AHNAK2: variants seen among roughly 807,000 people sequenced by gnomAD.
AHNAK2 encodes the protein protein AHNAK2.
Under a neutral mutation model 30.7 loss-of-function variants are expected in AHNAK2, and 18 were observed. That is an observed-to-expected ratio of 0.59 (90% confidence interval 0.41 to 0.87). The LOEUF is 0.87. AHNAK2 is among the 40% of genes least tolerant of loss of function. AHNAK2 has a pLI of 0.00. For missense variants in AHNAK2, 8,604 were observed against 7,373.0 expected (o/e 1.17, Z -6.11); for synonymous variants, 3,590 against 3,073.8 (o/e 1.17, Z -5.56).
rs376661887 is a variant in AHNAK2 at position 104,947,652 on chromosome 14, G to A, written c.7799C>T (p.Ala2600Val). Reference protein sequence around the residue: ...GPKLDLKGPKAEVTAPDVEMS... With the variant: ...GPKLDLKGPKVEVTAPDVEMS... ...CTCCACATCGGGGGCTGTCACTTCC[G>A]CCTTGGGGCCTTTCAGGTCCAGCTT... Residue 2600 changes from alanine to valine, a missense_variant, in exon 7 of 7, where the codon GCG becomes GTG. Physicochemically the swap from Ala to Val is moderately conservative, Grantham distance 64 (BLOSUM62 0). Transcript: ENST00000333244. 1.2e-4 allele frequency: 201 copies of A among 1,612,878 alleles called. No individual in the cohort carries two copies. Among genetic ancestry groups the A allele is most frequent in the Non-Finnish European group, 1.5e-4 (179 of 1,179,646 alleles).
intron 1 of AHNAK2, among the ~76,000 whole-genome samples, chr14:104,976,059 C>CAGCACG (rs1899582348): frequency 6.6e-6 from 1 of 150,788 alleles, no homozygotes; most frequent in African/African-American, 2.4e-5. Flanking sequence ...CTTGGGGGGT[C>CAGCACG]GTGGGAGGTG....
In AHNAK2 at chr14:104,945,544, C is replaced by T. The variant is rs1898219279; in HGVS notation, c.9907G>A (p.Ala3303Thr). 6.2e-7 allele frequency: 1 copy of T among 1,612,306 alleles called. No individual in the cohort carries two copies. Among genetic ancestry groups the T allele is most frequent in the Non-Finnish European group, 8.5e-7 (1 of 1,179,284 alleles). Residue 3303 changes from alanine (A) to threonine (T), a missense_variant, in exon 7 of 7, where the codon GCC becomes ACC. Coordinates refer to ENST00000333244, the MANE Select transcript of AHNAK2 (RefSeq NM_138420.4). The stretch of plus-strand genomic sequence containing the variant: ...GGCATTTTGAACTTGCTGTCTTTGG[C>T]AGTCACATCCTTGTCGGCCAGGGAC... Reference protein sequence around the residue: ...DLSLADKDVTAKDSKFKMPKF... With the variant: ...DLSLADKDVTTKDSKFKMPKF...
At position 104,939,647 on chromosome 14, in the gene AHNAK2, A is replaced by T. The variant is rs773577851; in HGVS notation, c.15804T>A (p.Ile5268=). ...CTGTGCTGTCAAGATCACACCTTAG[A>T]ATATCTGTGGATGATTTGCTCTCAG... ...TASESKSSTD[I]LRCDLDSTGL... is the part of the protein sequence containing the mutation. Residue 5268 remains isoleucine, a synonymous_variant, in exon 7 of 7, where the codon ATT becomes ATA. Coordinates refer to ENST00000333244, the MANE Select transcript of AHNAK2 (RefSeq NM_138420.4). 11 of 1,613,898 alleles carry T rather than the reference A, an allele frequency of 6.8e-6. No homozygotes were observed. Among genetic ancestry groups the T allele is most frequent in the Non-Finnish European group, 9.3e-6 (11 of 1,179,906 alleles).
chr14:104,946,569 T>G lies in AHNAK2; in HGVS notation c.8882A>C (p.Glu2961Ala), dbSNP rs1412185344. The change falls in exon 7 of 7, where the codon GAG (glutamate) becomes GCG (alanine). Residue 2961 changes from glutamate to alanine, a missense_variant. By Grantham distance (107) the Glu-to-Ala change is moderately radical. Transcript: ENST00000333244. ...PRAKLDGARLEGDLSLADKDV... is the reference protein window; with the variant it reads ...PRAKLDGARLAGDLSLADKDV... ...CTTGTCGGCCAGGGACAGGTCACCCTCCAGCCGTGCACCATCCAGCTTTGC... is the reference window on the plus strand; with the variant it reads ...CTTGTCGGCCAGGGACAGGTCACCCGCCAGCCGTGCACCATCCAGCTTTGC... 22 of 1,612,694 alleles carry G rather than the reference T, an allele frequency of 1.4e-5. No homozygotes were observed. Among genetic ancestry groups the G allele is most frequent in the Non-Finnish European group, 1.8e-5 (21 of 1,179,688 alleles).
rs377372973 is a variant in AHNAK2 at position 104,950,357 on chromosome 14, C to T, written c.5094G>A (p.Gln1698=). Residue 1698 remains glutamine (Q), a synonymous_variant, in exon 7 of 7, where the codon CAG becomes CAA. Coordinates refer to ENST00000333244, the MANE Select transcript of AHNAK2 (RefSeq NM_138420.4). ...VEADVSLPSM[Q]GDLKTTDLSI... is the part of the protein sequence containing the mutation. ...TGAGGTCAGTGGTCTTCAGGTCCCCCTGCATGGAGGGGAGGCTCACATCAG... is the reference window on the plus strand; with the variant it reads ...TGAGGTCAGTGGTCTTCAGGTCCCCTTGCATGGAGGGGAGGCTCACATCAG... The T allele has an allele frequency of 3.2e-4, 503 of 1,586,270 alleles. 51 individuals are homozygous for T. In the African/African-American group the frequency reaches 3.7e-3, roughly 12 times the overall value.
chr14:104,950,873 G>T lies in AHNAK2; in HGVS notation c.4578C>A (p.Asp1526Glu), dbSNP rs148032399. The change falls in exon 7 of 7, where the codon GAC becomes GAA. Residue 1526 changes from aspartate (D) to glutamate (E), a missense_variant. Coordinates refer to ENST00000333244, the MANE Select transcript of AHNAK2 (RefSeq NM_138420.4). ...VDVSAPKVEA[D>E]VSLPSMQGDL... The stretch of plus-strand genomic sequence containing the variant: ...CCCCCTGCATGGAGGGGAGGCTCAC[G>T]TCGGCCTCCACCTTCGGCGCAGACA... 1.6e-4 allele frequency: 251 copies of T among 1,579,776 alleles called. 32 individuals carry two copies. The highest frequency in any genetic ancestry group is 5.6e-4 in the Admixed American group (32 of 56,718).
chr14:104,977,574 C>T (rs1279758689), intron 1 of AHNAK2, among the ~76,000 whole-genome samples: 1 of 152,184 alleles, frequency 6.6e-6, no homozygotes, highest in Admixed American at 6.5e-5. Context: ...CCTGCCACAG[C>T]CTCCACCTAG....
chr14:104,965,942 C>T (rs147927870), intron 1 of AHNAK2, among the ~76,000 whole-genome samples: 1 of 152,180 alleles, frequency 6.6e-6, no homozygotes, highest in Admixed American at 6.5e-5. Flanking sequence ...ACACTGCTCC[C>T]GCAGAGGCAC....
Position 104,952,872 on chromosome 14 carries a change from G to A in AHNAK2, c.2579C>T (p.Ala860Val), listed in dbSNP as rs376993445. The change falls in exon 7 of 7, where the codon GCG becomes GTG. Residue 860 changes from alanine to valine, a missense_variant. Transcript: ENST00000333244. The stretch of plus-strand genomic sequence containing the variant: ...GCTCACGTCGGCCTCCACCTTCGGC[G>A]CAGACACATCCACCGAGTCCTCCAT... ...KSMEDSVDVS[A>V]PKVEADVSLS... 45 of 1,612,220 alleles carry A rather than the reference G, an allele frequency of 2.8e-5. No homozygotes were observed. Among genetic ancestry groups the A allele is most frequent in the Admixed American group, 8.3e-5 (5 of 59,892 alleles).
chr14:104,976,266 G>T (rs1206382128), intron 1 of AHNAK2, among the ~76,000 whole-genome samples: 1 of 152,184 alleles, frequency 6.6e-6, no homozygotes, highest in Non-Finnish European at 1.5e-5. Flanking sequence ...TGCGTGGGGT[G>T]GTCCCAGCAT....
rs769129836 is a variant in AHNAK2 at position 104,948,669 on chromosome 14, G to C, written c.6782C>G (p.Pro2261Arg). The C allele has an allele frequency of 4.3e-6, 7 of 1,611,602 alleles. No individual in the cohort carries two copies. The African/African-American group carries it at 6.8e-5, about 16-fold the overall frequency. ...CTTGGGGTCTTTTAGGTCCAGCTTG[G>C]GGCCCTTGATGTCTATTTCGGGGCC... is the stretch of plus-strand genomic sequence containing the variant. ...LKGPEIDIKG[P>R]KLDLKDPKVE... The change falls in exon 7 of 7, where the codon CCC becomes CGC. Residue 2261 changes from proline to arginine, a missense_variant. Physicochemically the swap from Pro to Arg is moderately radical, Grantham distance 103. Transcript: ENST00000333244.
chr14:104,967,349 T>A (rs545060241), intron 1 of AHNAK2, among the ~76,000 whole-genome samples: 1 of 151,478 alleles, frequency 6.6e-6, no homozygotes, highest in South Asian at 2.1e-4. Context: ...ACAGGTCTGC[T>A]GGGCTGGGGG....
Position 104,948,084 on chromosome 14 carries a change from G to T in AHNAK2, c.7367C>A (p.Pro2456Gln). 1 of 1,612,948 alleles carries T rather than the reference G, an allele frequency of 6.2e-7. No individual in the cohort carries two copies. The highest frequency in any genetic ancestry group is 8.5e-7 in the Non-Finnish European group (1 of 1,179,716). The change falls in exon 7 of 7, where the codon CCG (proline) becomes CAG (glutamine). Residue 2456 changes from proline (P) to glutamine (Q), a missense_variant. Physicochemically the swap from Pro to Gln is moderately conservative, Grantham distance 76. Transcript: ENST00000333244. ...CCACGCACCATCCAGCTTGGCTCCC[G>T]GGGCCTCGACATCCACCTCCACGCT... ...QPSVEVDVEA[P>Q]GAKLDGAWLE... is the part of the protein sequence containing the mutation.
rs766915865 is a variant in AHNAK2, at chr14:104,951,067, C to G, written c.4384G>C (p.Asp1462His). The G allele has an allele frequency of 9.4e-7, 1 of 1,063,356 alleles. No individual in the cohort carries two copies. The highest frequency in any genetic ancestry group is 1.4e-5 in the African/African-American group (1 of 69,244). 65.9% of individuals were successfully genotyped at this position (1,063,356 alleles called of 1,614,324 possible). The change falls in exon 7 of 7, where the codon GAT becomes CAT. Residue 1462 changes from aspartate (D) to histidine (H), a missense_variant. Coordinates refer to ENST00000333244, the MANE Select transcript of AHNAK2 (RefSeq NM_138420.4). Reference protein sequence around the residue: ...VEVSLPSVEVDVEAPGAKLDG... With the variant: ...VEVSLPSVEVHVEAPGAKLDG... Reference sequence around the variant, plus strand: ...AGCTTGGCTCCTGGGGCCTCGACATCCACCTCCACGCTGGGCAGAGAAACC... The same window carrying G: ...AGCTTGGCTCCTGGGGCCTCGACATGCACCTCCACGCTGGGCAGAGAAACC...
chr14:104,966,378 C>A lies in AHNAK2; in HGVS notation c.56-8706G>T, dbSNP rs1401827116. ...TTGTACCCCTGGCAACCCCACAACA[C>A]GATCTCCTCCACAGGCCCCTTCTCC... is the stretch of plus-strand genomic sequence containing the variant. On this transcript the variant is annotated intron_variant, in intron 1 of 6. Coordinates refer to ENST00000333244, the MANE Select transcript of AHNAK2 (RefSeq NM_138420.4). The surrounding 1 kb of genome is among the most constrained non-coding windows in gnomAD (Gnocchi z 4.3). Among the ~76,000 whole-genome samples, 1 of 152,132 alleles carries A rather than the reference C, an allele frequency of 6.6e-6. No homozygotes were observed. The highest frequency in any genetic ancestry group is 1.5e-5 in the Non-Finnish European group (1 of 68,016).
Position 104,947,277 on chromosome 14 carries a change from G to T in AHNAK2, c.8174C>A (p.Ala2725Asp). 2 of 1,611,536 alleles carry T rather than the reference G, an allele frequency of 1.2e-6. No homozygotes were observed. Among genetic ancestry groups the T allele is most frequent in the Non-Finnish European group, 1.7e-6 (2 of 1,179,300 alleles). ...KLPEGHVPEG[A>D]GLKGHLPKLQ... ...CTTGGGCAGGTGCCCTTTGAGGCCG[G>T]CTCCCTCGGGAACGTGGCCCTCTGG... Residue 2725 changes from alanine (A) to aspartate (D), a missense_variant, in exon 7 of 7, where the codon GCC becomes GAC. By Grantham distance (126) the Ala-to-Asp change is moderately radical. Coordinates refer to ENST00000333244, the MANE Select transcript of AHNAK2 (RefSeq NM_138420.4).
chr14:104,959,310 C>T (rs937170807), intron 1 of AHNAK2, among the ~76,000 whole-genome samples: 9 of 152,146 alleles, frequency 5.9e-5, no homozygotes, highest in Non-Finnish European at 1.3e-4. Context: ...GTAGCTGGGA[C>T]TACAGACACG....
rs201552208 is a variant in AHNAK2, at chr14:104,947,978, C to T, written c.7473G>A (p.Pro2491=). 6.6e-4 allele frequency: 1,067 copies of T among 1,610,824 alleles called. 7 individuals carry two copies. Among genetic ancestry groups the T allele is most frequent in the African/African-American group, 3.1e-3 (226 of 73,834 alleles). Residue 2491 remains proline (P), a synonymous_variant, in exon 7 of 7, where the codon CCG becomes CCA. Coordinates refer to ENST00000333244, the MANE Select transcript of AHNAK2 (RefSeq NM_138420.4). ...TGCCTGGGGCAGACACCCCGAATGA[C>T]GGCATCTTGAACTTGGGAATTTTGA... is the stretch of plus-strand genomic sequence containing the variant. The part of the protein sequence containing the change: ...SRFKIPKFKM[P]SFGVSAPGKS...
In AHNAK2 at chr14:104,941,700, G is replaced by A. The variant is rs776919254; in HGVS notation, c.13751C>T (p.Ala4584Val). The stretch of plus-strand genomic sequence containing the variant: ...GGGCAGAGACACCTCCACATCGGGG[G>A]CCATCACCTCTGCCTTTGGGCCTTT... ...DLKGPKAEVMAPDVEVSLPSV... is the reference protein window; with the variant it reads ...DLKGPKAEVMVPDVEVSLPSV... Residue 4584 changes from alanine to valine, a missense_variant, in exon 7 of 7, where the codon GCC becomes GTC. Coordinates refer to ENST00000333244, the MANE Select transcript of AHNAK2 (RefSeq NM_138420.4). 5.0e-6 allele frequency: 8 copies of A among 1,613,686 alleles called. No individual in the cohort carries two copies. Among genetic ancestry groups the A allele is most frequent in the East Asian group, 2.2e-5 (1 of 44,846 alleles).
Sources: gnomAD v4.1 joint callset for allele counts (sites outside exome capture counted in the v4.1 genomes callset) on GRCh38, gnomAD v4.1.1 for gene constraint, Gnocchi (gnomAD v3.1) non-coding constraint, MANE v1.5 for transcripts, NCBI Gene and HGNC (gene_info 2026-07-23, HGNC 2026-07-21) for gene names.